Variants in ADAMTS6 observed in about 807,000 individuals in gnomAD.
ADAMTS6 encodes the protein A disintegrin and metalloproteinase with thrombospondin motifs 6.
A neutral mutation model predicts 144.3 loss-of-function variants in ADAMTS6; 23 were observed. The observed-to-expected ratio is 0.16, with a 90% CI of 0.11 to 0.23. The LOEUF (loss-of-function observed/expected upper bound fraction) is 0.23, where lower values mean the gene tolerates loss of function less well. Ranked by LOEUF, ADAMTS6 falls within the 10% of genes least tolerant of loss-of-function variation. ADAMTS6 has a pLI of 1.00. For missense variants in ADAMTS6, 999 were observed against 1,379.6 expected, an observed-to-expected ratio of 0.72 and a Z score of 4.37; for synonymous variants, 444 against 457.5, an observed-to-expected ratio of 0.97 and a Z score of 0.38.
chr5:65,323,744 A>G (rs1307287825), intron 9 of ADAMTS6, among the ~76,000 whole-genome samples: 1 of 152,130 alleles, frequency 6.6e-6, no homozygotes, highest in Non-Finnish European at 1.5e-5. Flanking sequence ...ACAGTGTAAA[A>G]GTGTTCCTAT....
At chr5:65,300,891 A>G (rs1039901653) in intron 9 of ADAMTS6, among the ~76,000 whole-genome samples, 1 of 152,160 alleles carries the variant, frequency 6.6e-6, no homozygotes, top group South Asian at 2.1e-4. Flanking sequence ...TCAGCCTCCC[A>G]AAGTGCTGGG....
At chr5:65,194,076 T>TA (rs1336304260) in intron 21 of ADAMTS6, among the ~76,000 whole-genome samples, 4 of 151,978 alleles carry the variant, frequency 2.6e-5, no homozygotes, top group South Asian at 2.1e-4. Flanking sequence ...CATGATCATC[T>TA]AAAAAAAACC....
At chr5:65,224,153 T>G (rs1757542731) in intron 18 of ADAMTS6, among the ~76,000 whole-genome samples, 167 bp downstream of exon 18, 1 of 152,182 alleles carries the variant, frequency 6.6e-6, no homozygotes, top group Non-Finnish European at 1.5e-5. Context: ...TAAACTCTAA[T>G]TTTTCTCTTT....
intron 7 of ADAMTS6, among the ~76,000 whole-genome samples, chr5:65,442,851 C>T (rs1007411782): frequency 1.1e-4 from 17 of 152,044 alleles, no homozygotes; most frequent in African/African-American, 3.9e-4. Flanking sequence ...CTCAACAGGC[C>T]CCAGTGTGTG....
At chr5:65,207,698 CTTCTCTGA>C (rs1380017564) in intron 20 of ADAMTS6, among the ~76,000 whole-genome samples, 1 of 152,188 alleles carries the variant, frequency 6.6e-6, no homozygotes, top group Non-Finnish European at 1.5e-5. Context: ...AAATGAAGGT[CTTCTCTGA>C]TTAGAACTGT....
chr5:65,281,731 A>G (rs1763002905), intron 11 of ADAMTS6, among the ~76,000 whole-genome samples: 1 of 152,172 alleles, frequency 6.6e-6, no homozygotes, highest in Non-Finnish European at 1.5e-5. Context: ...TAATAAAAAT[A>G]TATTTAGAAA....
intron 7 of ADAMTS6, among the ~76,000 whole-genome samples, chr5:65,406,721 G>C (rs1429771942): frequency 6.6e-6 from 1 of 151,994 alleles, no homozygotes; most frequent in African/African-American, 2.4e-5. Context: ...AGAAGGAATG[G>C]TACCAGCTCC....
intron 3 of ADAMTS6, among the ~76,000 whole-genome samples, chr5:65,461,152 A>C (rs551474217): frequency 2.6e-5 from 4 of 152,272 alleles, no homozygotes; most frequent in Non-Finnish European, 5.9e-5. Context: ...CTACTCAGTT[A>C]TCTCTCCTCT....
intron 7 of ADAMTS6, among the ~76,000 whole-genome samples, chr5:65,382,597 G>A (rs1326850799): frequency 6.6e-6 from 1 of 152,172 alleles, no homozygotes; most frequent in African/African-American, 2.4e-5. Context: ...CTAAGAATGG[G>A]GACCTGGCAC....
intron 12 of ADAMTS6, among the ~76,000 whole-genome samples, chr5:65,264,520 C>A (rs1351162293): frequency 6.6e-6 from 1 of 152,046 alleles, no homozygotes; most frequent in Admixed American, 6.6e-5. Context: ...ACCTCAATAC[C>A]CTTTCCTGCT....
At chr5:65,298,360 A>G (rs557132413) in intron 10 of ADAMTS6, among the ~76,000 whole-genome samples, 9 of 152,218 alleles carry the variant, frequency 5.9e-5, no homozygotes, top group Non-Finnish European at 1.3e-4. Context: ...AGAAATGCAC[A>G]GGAATCTTGA....
chr5:65,248,698 G>A (rs967880959), intron 14 of ADAMTS6, among the ~76,000 whole-genome samples: 13 of 151,992 alleles, frequency 8.6e-5, no homozygotes, highest in African/African-American at 3.1e-4. Flanking sequence ...GAGGTGAGAG[G>A]ATTGCTTGAG....
chr5:65,433,440 T>G (rs2150219868), intron 7 of ADAMTS6, among the ~76,000 whole-genome samples: 1 of 152,246 alleles, frequency 6.6e-6, no homozygotes, highest in East Asian at 1.9e-4. Flanking sequence ...CAAAATCCAC[T>G]TATTTTCCAT....
At chr5:65,153,835 A>G (rs1752260876) in intron 24 of ADAMTS6, among the ~76,000 whole-genome samples, 1 of 152,198 alleles carries the variant, frequency 6.6e-6, no homozygotes, top group Admixed American at 6.5e-5. Context: ...AGTTTAAATT[A>G]TAATACATAA....
chr5:65,260,639 G>A lies in ADAMTS6; in HGVS notation c.1791C>T (p.Cys597=). 2 of 1,613,246 alleles carry A rather than the reference G, an allele frequency of 1.2e-6. No homozygotes were observed. The highest frequency in any genetic ancestry group is 8.5e-7 in the Non-Finnish European group (1 of 1,179,638). Residue 597 remains cysteine (C), a synonymous_variant, in exon 14 of 25, where the codon TGC becomes TGT. Transcript: ENST00000381055. ...SPAPSGGGKY[C]LGERKRYRSC... Reference sequence around the variant, plus strand: ...AGCGATACCGTTTCCTTTCCCCAAGGCAATATTTTCCACCTCCTGAAGGTC... The same window carrying A: ...AGCGATACCGTTTCCTTTCCCCAAGACAATATTTTCCACCTCCTGAAGGTC...
intron 9 of ADAMTS6, among the ~76,000 whole-genome samples, chr5:65,322,264 AC>A (rs1745688751): frequency 1.3e-5 from 2 of 152,254 alleles, no homozygotes; most frequent in South Asian, 4.1e-4. Context: ...TGTTTTGGTT[AC>A]TGTAGCCCTG....
At chr5:65,174,997 G>A (rs1753880875) in intron 22 of ADAMTS6, among the ~76,000 whole-genome samples, 1 of 152,166 alleles carries the variant, frequency 6.6e-6, no homozygotes, top group African/African-American at 2.4e-5. Flanking sequence ...GCCATCAGAA[G>A]GAAGCCTGGA....
intron 7 of ADAMTS6, among the ~76,000 whole-genome samples, chr5:65,352,679 A>G (rs992381926): frequency 3.9e-5 from 6 of 152,072 alleles, no homozygotes; most frequent in African/African-American, 1.4e-4. Flanking sequence ...AGCCTAAAAA[A>G]TGTGCAGGAT....
At chr5:65,362,159 C>T (rs765540223) in intron 7 of ADAMTS6, among the ~76,000 whole-genome samples, 1 of 152,146 alleles carries the variant, frequency 6.6e-6, no homozygotes, top group Non-Finnish European at 1.5e-5. Context: ...CAAAACTTTG[C>T]CTTCATAGTG....
Sources: gnomAD v4.1 joint callset for allele counts (sites outside exome capture counted in the v4.1 genomes callset) on GRCh38, gnomAD v4.1.1 for gene constraint, MANE v1.5 for transcripts, NCBI Gene and HGNC (gene_info 2026-07-23, HGNC 2026-07-21) for gene names.